Variants in TBC1D23 observed in about 807,000 individuals in gnomAD.
The protein encoded by TBC1D23 is HCV non-structural protein 4A-transactivated protein 1.
Under a neutral mutation model 91.4 loss-of-function variants are expected in TBC1D23, and 55 were observed. The ratio of observed to expected loss-of-function variants is 0.60; its 90% confidence interval spans 0.48 to 0.75. TBC1D23 has a LOEUF of 0.75. Among genes scored for constraint, TBC1D23 ranks in the 30% least tolerant of loss-of-function variants. The pLI is 0.00. For missense variants in TBC1D23, 725 were observed against 836.1 expected (o/e 0.87, Z 1.64); for synonymous variants, 289 against 281.0 (o/e 1.03, Z -0.28).
At chr3:100,323,110 A>G (rs1037582396) in intron 18 of TBC1D23, among the ~76,000 whole-genome samples, 3 of 152,340 alleles carry the variant, frequency 2.0e-5, no homozygotes, top group East Asian at 1.9e-4. Context: ...TTGGATAACT[A>G]TAGCTACTTT....
chr3:100,281,871 G>T, intron 3 of TBC1D23, 24 bp downstream of exon 3: 1 of 1,469,410 alleles, frequency 6.8e-7, no homozygotes, highest in East Asian at 2.3e-5. Flanking sequence ...TCACTTTCAA[G>T]CAGAGTTAAA....
At chr3:100,275,832 A>G (rs1189090932) in intron 1 of TBC1D23, among the ~76,000 whole-genome samples, 4 of 152,232 alleles carry the variant, frequency 2.6e-5, no homozygotes, top group Non-Finnish European at 5.9e-5. Context: ...TTATTTGGCA[A>G]TGAAAAGCAT....
At chr3:100,291,328 A>T (rs1365961954) in intron 5 of TBC1D23, among the ~76,000 whole-genome samples, 1 of 152,164 alleles carries the variant, frequency 6.6e-6, no homozygotes. Context: ...CACGCCTGCA[A>T]TCCCAGCACT....
intron 18 of TBC1D23, among the ~76,000 whole-genome samples, chr3:100,322,896 T>A (rs1046746230): frequency 6.6e-6 from 1 of 152,158 alleles, no homozygotes; most frequent in African/African-American, 2.4e-5. Context: ...ATAACACTCA[T>A]AGATGATTTA....
Position 100,324,926 on chromosome 3 carries a change from TTTAC to T in TBC1D23, c.*1262_*1265del. On this transcript the variant is annotated 3_prime_UTR_variant, in exon 19 of 19. Transcript: ENST00000394144. ...CCCTGTTAACAGCCAGTCATTTTGA[TTTAC>T]TTATGGAAATCAAGTGAATAAAAGG... 1 of 152,344 alleles carries T rather than the reference TTTAC, an allele frequency of 6.6e-6. No homozygotes were observed. The highest frequency in any genetic ancestry group is 2.1e-4 in the South Asian group (1 of 4,826). 9.4% of individuals were successfully genotyped at this position (152,344 alleles called of 1,614,324 possible).
intron 2 of TBC1D23, 137 bp from the exon 3 acceptor site, chr3:100,281,605 A>G: frequency 1.9e-6 from 1 of 520,694 alleles, no homozygotes; most frequent in Non-Finnish European, 3.4e-6. Context: ...TAAATACTCA[A>G]CATTTGGTGG....
At chr3:100,293,752 A>T (rs2067813901) in intron 5 of TBC1D23, among the ~76,000 whole-genome samples, 1 of 152,218 alleles carries the variant, frequency 6.6e-6, no homozygotes, top group African/African-American at 2.4e-5. Flanking sequence ...TGTTCCCAAC[A>T]CCACTCACTA....
At chr3:100,306,826 T>A (rs1267316463) in intron 13 of TBC1D23, among the ~76,000 whole-genome samples, 1 of 152,244 alleles carries the variant, frequency 6.6e-6, no homozygotes, top group Non-Finnish European at 1.5e-5. Context: ...TTTGGTATCA[T>A]GTAGTGACAG....
chr3:100,261,250 C>A, intron 1 of TBC1D23, 179 bp downstream of exon 1: 1 of 619,272 alleles, frequency 1.6e-6, no homozygotes, highest in Non-Finnish European at 2.8e-6. Context: ...TGGTTCTGCC[C>A]AAGGGACTGG....
At chr3:100,302,368 C>A in intron 11 of TBC1D23, 131 bp downstream of exon 11, 1 of 635,880 alleles carries the variant, frequency 1.6e-6, no homozygotes, top group Non-Finnish European at 2.4e-6. Context: ...AAGGTCTTCT[C>A]CAGATTTTTC....
intron 9 of TBC1D23, 59 bp from the exon 10 acceptor site, chr3:100,299,178 ATG>A: frequency 2.8e-6 from 3 of 1,060,314 alleles, no homozygotes; most frequent in Non-Finnish European, 4.4e-6. Context: ...TGTGAATATT[ATG>A]TTGTGCAATG....
chr3:100,318,975 T>C, intron 16 of TBC1D23, 94 bp from the exon 17 acceptor site: 1 of 797,048 alleles, frequency 1.3e-6, no homozygotes, highest in Non-Finnish European at 1.9e-6. Context: ...AATCCATATC[T>C]TCAAAATACT....
intron 2 of TBC1D23, 45 bp from the exon 3 acceptor site, chr3:100,281,696 GA>G (rs1189710795): frequency 8.3e-7 from 1 of 1,209,308 alleles, no homozygotes; most frequent in East Asian, 2.4e-5. Flanking sequence ...TTCCAAGAAT[GA>G]GGAATAACAT....
chr3:100,271,025 A>G (rs998926601), intron 1 of TBC1D23, among the ~76,000 whole-genome samples: 5 of 152,184 alleles, frequency 3.3e-5, no homozygotes, highest in Admixed American at 6.5e-5. Flanking sequence ...AGAATTTTGA[A>G]GATTAGTGAA....
intron 9 of TBC1D23, 73 bp downstream of exon 9, chr3:100,298,118 A>T (rs544377509): frequency 7.5e-7 from 1 of 1,326,350 alleles, no homozygotes; most frequent in African/African-American, 1.5e-5. Flanking sequence ...CTCCCTGTTC[A>T]TTGATTCCCA....
intron 13 of TBC1D23, among the ~76,000 whole-genome samples, chr3:100,307,213 C>T (rs1705531669): frequency 6.6e-6 from 1 of 152,174 alleles, no homozygotes; most frequent in Admixed American, 6.5e-5. Flanking sequence ...TTCAATATTT[C>T]ATGTCAGTTG....
chr3:100,276,393 T>G (rs572345752), intron 1 of TBC1D23, among the ~76,000 whole-genome samples: 100 of 152,216 alleles, frequency 6.6e-4, no homozygotes, highest in Non-Finnish European at 6.9e-4. Context: ...ATAATTTTAG[T>G]ATGATTCAAT....
chr3:100,319,248 G>C, intron 17 of TBC1D23, 44 bp downstream of exon 17: 2 of 1,540,608 alleles, frequency 1.3e-6, no homozygotes, highest in Non-Finnish European at 1.8e-6. Flanking sequence ...TTGAATTTGG[G>C]GAAGTTAATA....
chr3:100,308,367 C>T (rs1035616940), intron 13 of TBC1D23, among the ~76,000 whole-genome samples: 9 of 151,382 alleles, frequency 5.9e-5, no homozygotes, highest in Admixed American at 2.0e-4. Flanking sequence ...CCCAGCTGCT[C>T]GGGAGGCTGA....
Sources: allele counts gnomAD v4.1 joint callset (sites outside exome capture counted in the v4.1 genomes callset), GRCh38; gene constraint gnomAD v4.1.1; transcripts MANE v1.5; gene names NCBI Gene and HGNC (gene_info 2026-07-23, HGNC 2026-07-21).